Variants in PITPNC1 observed in about 807,000 individuals in gnomAD.
PITPNC1 encodes the protein cytoplasmic phosphatidylinositol transfer protein 1.
A neutral mutation model predicts 44.7 loss-of-function variants in PITPNC1; 18 were observed. The observed-to-expected ratio is 0.40, with a 90% CI of 0.28 to 0.60. The LOEUF is 0.60. Among genes scored for constraint, PITPNC1 ranks in the 20% least tolerant of loss-of-function variants. The pLI, the probability that PITPNC1 is intolerant of heterozygous loss-of-function variation, is 0.39. For missense variants in PITPNC1, 290 were observed against 418.4 expected (o/e 0.69, Z 2.68); for synonymous variants, 141 against 149.6 (o/e 0.94, Z 0.42).
Position 67,601,542 on chromosome 17 carries a change from G to T in PITPNC1, c.366+23285G>T, listed in dbSNP as rs2041539589. ...GGAGAAGGAGGATCACTTTATCCCA[G>T]GAACTCAAGACCAGCCTGGACAACA... On this transcript the variant is annotated intron_variant, in intron 5 of 8. Coordinates refer to ENST00000581322, the MANE Select transcript of PITPNC1 (RefSeq NM_012417.4). 3.3e-5 allele frequency among the ~76,000 whole-genome samples: 5 copies of T among 151,906 alleles called. No individual in the cohort carries two copies. In the South Asian group the frequency reaches 8.3e-4, roughly 25 times the overall value.
rs547927800 is a variant in PITPNC1 at position 67,532,602 on chromosome 17, G to A, written c.49-200G>A. On this transcript the variant is annotated intron_variant, in intron 1 of 8. Coordinates refer to ENST00000581322, the MANE Select transcript of PITPNC1 (RefSeq NM_012417.4). ...CCAAGGTGATGTAAAATATTCACGG[G>A]AACACGCCGTCTCGATGTTCTACTC... is the stretch of plus-strand genomic sequence containing the variant. Among the ~76,000 whole-genome samples, 10 of 152,194 alleles carry A rather than the reference G, an allele frequency of 6.6e-5. No homozygotes were observed. The East Asian group carries it at 1.7e-3, about 27-fold the overall frequency.
At chr17:67,399,084 G>A (rs2038268058) in intron 1 of PITPNC1, among the ~76,000 whole-genome samples, 1 of 142,352 alleles carries the variant, frequency 7.0e-6, no homozygotes, top group Non-Finnish European at 1.5e-5. Flanking sequence ...GTGCGATCTC[G>A]GCTCACTGCA....
At chr17:67,443,191 A>G (rs1394910712) in intron 1 of PITPNC1, among the ~76,000 whole-genome samples, 1 of 152,038 alleles carries the variant, frequency 6.6e-6, no homozygotes, top group Non-Finnish European at 1.5e-5. Context: ...CTCTTGCCTC[A>G]TCAAACTTCT....
intron 6 of PITPNC1, among the ~76,000 whole-genome samples, chr17:67,662,188 G>A (rs541858642): frequency 6.6e-5 from 10 of 152,076 alleles, no homozygotes; most frequent in South Asian, 2.1e-4. Context: ...GTGCGGTAGC[G>A]TATGCCTGTA....
At chr17:67,452,026 T>G (rs555779987) in intron 1 of PITPNC1, among the ~76,000 whole-genome samples, 101 of 151,872 alleles carry the variant, frequency 6.7e-4, no homozygotes, top group Admixed American at 2.3e-3. Flanking sequence ...TGTTGTTGTT[T>G]TTTGAGATAG....
chr17:67,526,607 C>T (rs1280686301), intron 1 of PITPNC1, among the ~76,000 whole-genome samples: 3 of 152,028 alleles, frequency 2.0e-5, no homozygotes, highest in African/African-American at 7.2e-5. Context: ...TGGTGTGTGC[C>T]TGTAATCCCA....
chr17:67,582,504 T>C (rs1391398807), intron 5 of PITPNC1, among the ~76,000 whole-genome samples: 1 of 152,044 alleles, frequency 6.6e-6, no homozygotes, highest in Admixed American at 6.6e-5. Context: ...ATATTGATGA[T>C]AGTGGTTGAA....
chr17:67,430,957 A>C (rs1049254356), intron 1 of PITPNC1, among the ~76,000 whole-genome samples: 1 of 152,244 alleles, frequency 6.6e-6, no homozygotes, highest in South Asian at 2.1e-4. Flanking sequence ...TCTTAAAAAC[A>C]AAACCAAACC....
chr17:67,512,207 C>T (rs1185576982), intron 1 of PITPNC1, among the ~76,000 whole-genome samples: 2 of 152,070 alleles, frequency 1.3e-5, no homozygotes, highest in Non-Finnish European at 2.9e-5. Context: ...AAATGAAAAC[C>T]GGATTTGGGG....
intron 5 of PITPNC1, among the ~76,000 whole-genome samples, chr17:67,620,010 G>A (rs1417886570): frequency 6.6e-6 from 1 of 152,010 alleles, no homozygotes; most frequent in Non-Finnish European, 1.5e-5. Context: ...CAGTCTCTTA[G>A]CCTCCCTTTT....
intron 1 of PITPNC1, among the ~76,000 whole-genome samples, chr17:67,385,613 C>T (rs1236360995): frequency 6.6e-6 from 1 of 152,072 alleles, no homozygotes; most frequent in East Asian, 1.9e-4. Context: ...AGAGCTGTAA[C>T]ACTCACCGTG....
chr17:67,605,475 G>A (rs1374991757), intron 5 of PITPNC1, among the ~76,000 whole-genome samples: 1 of 152,170 alleles, frequency 6.6e-6, no homozygotes, highest in Admixed American at 6.6e-5. Flanking sequence ...GGGGCTTATC[G>A]TGAATTTCCC....
At chr17:67,513,450 T>C (rs1019881725) in intron 1 of PITPNC1, among the ~76,000 whole-genome samples, 7 of 146,208 alleles carry the variant, frequency 4.8e-5, no homozygotes, top group Non-Finnish European at 1.0e-4. Context: ...CATATATGTA[T>C]ATATACATAT....
intron 1 of PITPNC1, among the ~76,000 whole-genome samples, chr17:67,480,281 A>T (rs2039684929): frequency 6.6e-6 from 1 of 152,236 alleles, no homozygotes; most frequent in Non-Finnish European, 1.5e-5. Context: ...AATATCTCGC[A>T]GACAGAATGA....
In PITPNC1 at chr17:67,578,200, G is replaced by T; in HGVS notation, c.309G>T (p.Pro103=). ...TITEYTCSFL[P]KFSIHIETKY... The stretch of plus-strand genomic sequence containing the variant: ...TTCTCCCACAGTGTTCCTTTCTGCC[G>T]AAATTCTCCATTCATATAGAAACCA... Residue 103 remains proline (P), a synonymous_variant, in exon 5 of 9, where the codon CCG becomes CCT. Transcript: ENST00000581322. The T allele has an allele frequency of 6.2e-7, 1 of 1,611,544 alleles. No homozygotes were observed. The highest frequency in any genetic ancestry group is 8.5e-7 in the Non-Finnish European group (1 of 1,177,876).
intron 6 of PITPNC1, among the ~76,000 whole-genome samples, chr17:67,634,597 T>TA (rs2042010834): frequency 6.6e-6 from 1 of 152,058 alleles, no homozygotes; most frequent in African/African-American, 2.4e-5. Flanking sequence ...ACTTCCAATC[T>TA]AACAAATACC....
At position 67,693,087 on chromosome 17, in the gene PITPNC1, G is replaced by C. The variant is rs1337459875; in HGVS notation, c.*199G>C. On this transcript the variant is annotated 3_prime_UTR_variant, in exon 9 of 9. Coordinates refer to ENST00000581322, the MANE Select transcript of PITPNC1 (RefSeq NM_012417.4). ...CACAGCATCATATTAGATGTAAGAT[G>C]TAAGACTTGCAAAGGACAGAAGGAA... 4.2e-5 allele frequency: 23 copies of C among 546,636 alleles called. No individual in the cohort carries two copies. The highest frequency in any genetic ancestry group is 7.1e-5 in the Non-Finnish European group (22 of 311,740). The allele number at this position is 546,636 out of a possible 1,614,324, so 33.9% of individuals were successfully genotyped here.
At chr17:67,690,944 A>C (rs1368883726) in intron 8 of PITPNC1, among the ~76,000 whole-genome samples, 1 of 152,074 alleles carries the variant, frequency 6.6e-6, no homozygotes, top group Non-Finnish European at 1.5e-5. Context: ...CTCTGCTAAA[A>C]GTACAAAAAT....
chr17:67,388,202 A>G (rs1443784788), intron 1 of PITPNC1, among the ~76,000 whole-genome samples: 5 of 152,208 alleles, frequency 3.3e-5, no homozygotes, highest in African/African-American at 1.2e-4. Flanking sequence ...TCATTAAAAA[A>G]TTTCTTAGTG....
Sources: allele counts gnomAD v4.1 joint callset (sites outside exome capture counted in the v4.1 genomes callset), GRCh38; gene constraint gnomAD v4.1.1; transcripts MANE v1.5; gene names NCBI Gene and HGNC (gene_info 2026-07-23, HGNC 2026-07-21).